The following POLA1 variants were observed in gnomAD, a reference collection of about 807,000 sequenced individuals.
The protein encoded by POLA1 is DNA polymerase alpha catalytic subunit.
In POLA1, 15 loss-of-function variants were observed where a neutral mutation model predicts 124.0. The ratio of observed to expected loss-of-function variants is 0.12; its 90% CI spans 0.08 to 0.19. The LOEUF (loss-of-function observed/expected upper bound fraction) is 0.19. Among genes scored for constraint, POLA1 ranks in the 10% least tolerant of loss-of-function variants. POLA1 has a pLI of 1.00. For synonymous variants in POLA1, 408 were observed against 389.4 expected (o/e 1.05, Z -0.56); for missense variants, 886 against 1,103.4 (o/e 0.80, Z 2.79).
intron 36 of POLA1, among the ~76,000 whole-genome samples, chrX:24,968,818 T>G (rs1241762032): frequency 8.9e-6 from 1 of 111,780 alleles, no homozygotes; most frequent in Non-Finnish European, 1.9e-5. Context: ...TTCACCAAAC[T>G]TTCCCCCTCT....
At chrX:24,877,309 G>A (rs1040223743) in intron 34 of POLA1, among the ~76,000 whole-genome samples, 12 of 111,652 alleles carry the variant, frequency 1.1e-4, no homozygotes, top group East Asian at 8.4e-4. Flanking sequence ...CTGGAGAGAC[G>A]GTGCTTTTTC....
chrX:24,869,016 G>A (rs2147110018), intron 34 of POLA1, among the ~76,000 whole-genome samples: 1 of 111,940 alleles, frequency 8.9e-6, no homozygotes, highest in African/African-American at 3.2e-5. Flanking sequence ...GCTCACTGCA[G>A]CCTTGACCTC....
intron 34 of POLA1, among the ~76,000 whole-genome samples, chrX:24,847,757 G>A (rs183496094): frequency 2.7e-5 from 3 of 112,210 alleles, no homozygotes; most frequent in East Asian, 2.8e-4. Context: ...TCAGAAGTAC[G>A]TGTATCTTGA....
At chrX:24,845,553 T>C (rs1025628698) in intron 34 of POLA1, among the ~76,000 whole-genome samples, 2 of 112,122 alleles carry the variant, frequency 1.8e-5, no homozygotes, top group African/African-American at 6.5e-5. Context: ...GGTTCTACTT[T>C]ATTGGTAGAC....
At chrX:24,967,633 C>T (rs1373008016) in intron 36 of POLA1, among the ~76,000 whole-genome samples, 18 of 110,357 alleles carry the variant, frequency 1.6e-4, no homozygotes, top group Non-Finnish European at 3.4e-4. Context: ...TGCACTCCAG[C>T]CTGGGGGACA....
At chrX:24,812,605 T>C (rs2045922408) in intron 28 of POLA1, 53 bp from the exon 29 acceptor site, 2 of 713,648 alleles carry the variant, frequency 2.8e-6, no homozygotes, top group Non-Finnish European at 4.3e-6. Context: ...CATGTTCATC[T>C]TCTCCCTATT....
At chrX:24,794,655 C>A (rs1428108198) in intron 26 of POLA1, among the ~76,000 whole-genome samples, 2 of 111,776 alleles carry the variant, frequency 1.8e-5, no homozygotes, top group African/African-American at 6.5e-5. Context: ...TGAGATATTT[C>A]AGGAGAGATG....
At chrX:24,776,059 A>G (rs745582398) in intron 26 of POLA1, among the ~76,000 whole-genome samples, 23 of 112,228 alleles carry the variant, frequency 2.0e-4, no homozygotes, top group South Asian at 7.5e-4. Flanking sequence ...ATTATGTAAG[A>G]AAATGACTCT....
chrX:24,845,489 A>G lies in POLA1; in HGVS notation c.4047+1812A>G, dbSNP rs760435112. 4.5e-5 allele frequency among the ~76,000 whole-genome samples: 5 copies of G among 112,164 alleles called. No individual in the cohort carries two copies. In the Admixed American group the frequency reaches 4.7e-4, roughly 11 times the overall value. ...TCTTATGGCCTCATGCTAAACAAAT[A>G]TTTCAAATATTTTCCAGATCAGAGC... On this transcript the variant is annotated intron_variant, in intron 34 of 36. Transcript: ENST00000379068.
intron 17 of POLA1, chrX:24,734,354 T>G (rs928748753): frequency 1.8e-5 from 2 of 112,165 alleles, no homozygotes; most frequent in South Asian, 3.7e-4. Flanking sequence ...CAAAGGTAAA[T>G]GTATTCAATT....
At position 24,930,770 on chromosome X, in the gene POLA1, G is replaced by A. The variant is rs191662646; in HGVS notation, c.4261+221G>A. 2.6e-3 allele frequency among the ~76,000 whole-genome samples: 297 copies of A among 112,323 alleles called. 1 individual carries two copies. The highest frequency in any genetic ancestry group is 8.7e-3 in the African/African-American group (270 of 30,945). The stretch of plus-strand genomic sequence containing the variant: ...CTGTTTCACATTGTCCTCTATTAAA[G>A]CAAGGCTTTGGGGGAGGAACAGTAC... On this transcript the variant is annotated intron_variant, in intron 36 of 36. Transcript: ENST00000379068.
intron 36 of POLA1, among the ~76,000 whole-genome samples, chrX:24,951,535 C>T (rs1450330838): frequency 3.6e-5 from 4 of 109,840 alleles, no homozygotes; most frequent in Non-Finnish European, 1.9e-5. Flanking sequence ...GTGTGTTTAC[C>T]TGAATATTTC....
intron 36 of POLA1, among the ~76,000 whole-genome samples, chrX:24,942,218 T>G (rs976747762): frequency 1.1e-4 from 12 of 112,288 alleles, no homozygotes; most frequent in Non-Finnish European, 2.1e-4. Flanking sequence ...TATACGGATA[T>G]GTAGTTGACA....
intron 4 of POLA1, among the ~76,000 whole-genome samples, chrX:24,709,239 G>T (rs1437527019): frequency 1.0e-5 from 1 of 99,736 alleles, no homozygotes; most frequent in Non-Finnish European, 2.0e-5. Flanking sequence ...GGCCGGGCGG[G>T]GGGCTGACCC....
intron 26 of POLA1, among the ~76,000 whole-genome samples, chrX:24,755,288 T>C (rs1932539919): frequency 8.9e-6 from 1 of 112,509 alleles, no homozygotes; most frequent in Non-Finnish European, 1.9e-5. Context: ...TGTTTAGTTC[T>C]CTGTTGAGGC....
intron 34 of POLA1, among the ~76,000 whole-genome samples, chrX:24,884,633 T>C (rs939998400): frequency 1.8e-5 from 2 of 112,296 alleles, no homozygotes; most frequent in Non-Finnish European, 3.8e-5. Context: ...AAATACACCA[T>C]GACCAAAAGC....
At chrX:24,974,141 G>A (rs1450004516) in intron 36 of POLA1, among the ~76,000 whole-genome samples, 1 of 111,157 alleles carries the variant, frequency 9.0e-6, no homozygotes, top group African/African-American at 3.3e-5. Flanking sequence ...CAGAGGGATG[G>A]TCATCTTGTA....
At chrX:24,928,817 G>A (rs765743517) in intron 35 of POLA1, among the ~76,000 whole-genome samples, 4 of 111,384 alleles carry the variant, frequency 3.6e-5, no homozygotes, top group East Asian at 2.8e-4. Flanking sequence ...AATAACTGGT[G>A]TATAATAGTA....
chrX:24,745,166 T>A (rs1052049030), intron 23 of POLA1, among the ~76,000 whole-genome samples: 2 of 109,373 alleles, frequency 1.8e-5, no homozygotes, highest in Non-Finnish European at 3.8e-5. Flanking sequence ...GGGAAAGGAC[T>A]GGTTGTAGCT....
Sources: allele counts gnomAD v4.1 joint callset (sites outside exome capture counted in the v4.1 genomes callset), GRCh38; gene constraint gnomAD v4.1.1; transcripts MANE v1.5; gene names NCBI Gene and HGNC (gene_info 2026-07-23, HGNC 2026-07-21).